PHF19: variants seen among roughly 807,000 people sequenced by gnomAD.
The protein encoded by PHF19 is polycomb like 3.
A neutral mutation model predicts 79.8 loss-of-function variants in PHF19; 21 were observed. The observed-to-expected ratio is 0.26, with a 90% CI of 0.19 to 0.38. The LOEUF (loss-of-function observed/expected upper bound fraction) is 0.38. Among genes scored for constraint, PHF19 ranks in the 10% least tolerant of loss-of-function variants. The pLI is 1.00. For missense variants in PHF19, 445 were observed against 744.2 expected (o/e 0.60, Z 4.68); for synonymous variants, 273 against 296.3 (o/e 0.92, Z 0.81).
At chr9:120,887,015 G>A (rs191915626) in intron 1 of PHF19, among the ~76,000 whole-genome samples, 35 of 150,312 alleles carry the variant, frequency 2.3e-4, no homozygotes, top group African/African-American at 8.6e-4. Context: ...GCAATGAGGC[G>A]AGATCGCCCC....
At chr9:120,886,032 G>A (rs1237462812) in intron 1 of PHF19, among the ~76,000 whole-genome samples, 1 of 152,190 alleles carries the variant, frequency 6.6e-6, no homozygotes, top group East Asian at 1.9e-4. Context: ...GGCTTAAGTT[G>A]GGGCAATAGT....
chr9:120,877,087 T>G lies in PHF19; in HGVS notation c.-16+4A>C. 1.0e-6 allele frequency: 1 copy of G among 985,226 alleles called. No individual in the cohort carries two copies. Among genetic ancestry groups the G allele is most frequent in the Non-Finnish European group, 1.2e-6 (1 of 829,874 alleles). The allele number at this position is 985,226 out of a possible 1,614,324, so 61.0% of individuals were successfully genotyped here. ...GGGAGTCCGCCCAACAGCGCAGAAC[T>G]CACCGCGAGGCTGCGTGTCCGCCGG... On this transcript the variant is annotated splice_donor_region_variant and intron_variant, in intron 1 of 14. Coordinates refer to ENST00000373896, the MANE Select transcript of PHF19 (RefSeq NM_015651.3).
At chr9:120,883,050 C>T (rs145153360) in intron 1 of PHF19, among the ~76,000 whole-genome samples, 6 of 152,154 alleles carry the variant, frequency 3.9e-5, no homozygotes, top group African/African-American at 7.2e-5. Context: ...GTAGAAAGCA[C>T]GGTTATTAAC....
upstream of PHF19, among the ~76,000 whole-genome samples, chr9:120,895,738 G>A (rs924065567): frequency 6.6e-6 from 1 of 151,872 alleles, no homozygotes; most frequent in African/African-American, 2.4e-5. Flanking sequence ...CTGCAGCCTC[G>A]ACCTCCTGGG....
chr9:120,894,943 C>T (rs889879340), upstream of PHF19: 3 of 456,060 alleles, frequency 6.6e-6, no homozygotes, highest in Admixed American at 9.1e-5. Context: ...GCACACAGTC[C>T]GCCAGCCTCG....
chr9:120,864,552 G>A (rs1010115675), intron 9 of PHF19, among the ~76,000 whole-genome samples: 11 of 152,138 alleles, frequency 7.2e-5, no homozygotes, highest in African/African-American at 2.4e-4. Flanking sequence ...GAAATTTGGC[G>A]GGCGCCTATA....
intron 1 of PHF19, among the ~76,000 whole-genome samples, chr9:120,888,425 G>T (rs2046298128): frequency 6.6e-6 from 1 of 152,212 alleles, no homozygotes; most frequent in Non-Finnish European, 1.5e-5. Flanking sequence ...TGCCTTTCAG[G>T]ATGCAGGCAG....
chr9:120,898,305 T>G (rs2046417958), upstream of PHF19, among the ~76,000 whole-genome samples: 2 of 152,278 alleles, frequency 1.3e-5, no homozygotes, highest in African/African-American at 4.8e-5. Flanking sequence ...TTAGTAGAGA[T>G]GGGGTTTTGC....
chr9:120,873,747 G>A (rs1353555275), intron 3 of PHF19, among the ~76,000 whole-genome samples: 1 of 152,158 alleles, frequency 6.6e-6, no homozygotes, highest in Non-Finnish European at 1.5e-5. Flanking sequence ...TTCCCCACCT[G>A]CCCATCCTCC....
Position 120,874,585 on chromosome 9 carries a change from C to T in PHF19, c.157G>A (p.Gly53Ser), listed in dbSNP as rs1178180392. 6.2e-7 allele frequency: 1 copy of T among 1,613,248 alleles called. No homozygotes were observed. The highest frequency in any genetic ancestry group is 1.7e-5 in the Admixed American group (1 of 59,988). Residue 53 changes from glycine to serine, a missense_variant, in exon 2 of 15, where the codon GGC (glycine) becomes AGC (serine). Physicochemically the swap from Gly to Ser is moderately conservative, Grantham distance 56. This residue lies in a region of PHF19 where 167 missense variants were observed against 375.8 expected (regional missense o/e 0.44). Coordinates refer to ENST00000373896, the MANE Select transcript of PHF19 (RefSeq NM_015651.3). The surrounding 1 kb of genome is among the most constrained non-coding windows in gnomAD (Gnocchi z 4.5). ...TTGATCTTCCCGAGGTAGTACAGGC[C>T]ATCTGTCCACCGGCACAGCACATAC... ...GQYVLCRWTD[G>S]LYYLGKIKRV...
chr9:120,902,185 C>T, the PHF19 span, among the ~76,000 whole-genome samples: 1 of 152,182 alleles, frequency 6.6e-6, no homozygotes, highest in Non-Finnish European at 1.5e-5. Flanking sequence ...ATTAGAACCC[C>T]CTGCGGAGAC....
intron 14 of PHF19, among the ~76,000 whole-genome samples, chr9:120,859,567 G>GCCC (rs1420652505): frequency 6.6e-6 from 1 of 152,176 alleles, no homozygotes; most frequent in Non-Finnish European, 1.5e-5. Context: ...CTGGAGATAG[G>GCCC]CCCCCAGGGA....
Position 120,870,644 on chromosome 9 carries a change from C to G in PHF19, c.269-106G>C, listed in dbSNP as rs1822325992. Reference sequence around the variant, plus strand: ...AATGTCTGCTAGGCCTAGCGCTGGGCCCCACATGCCACCTCACTGAATCTC... The same window carrying G: ...AATGTCTGCTAGGCCTAGCGCTGGGGCCCACATGCCACCTCACTGAATCTC... On this transcript the variant is annotated intron_variant, in intron 3 of 14. Transcript: ENST00000373896. This position sits in a 1 kb window ranked among gnomAD's most constrained non-coding sequence, Gnocchi z 4.4. 1.5e-6 allele frequency: 1 copy of G among 686,904 alleles called. No individual in the cohort carries two copies. Among genetic ancestry groups the G allele is most frequent in the Non-Finnish European group, 2.6e-6 (1 of 378,556 alleles). The allele number at this position is 686,904 out of a possible 1,614,324, so 42.6% of individuals were successfully genotyped here.
At chr9:120,900,686 C>A in the PHF19 span, among the ~76,000 whole-genome samples, 1 of 152,182 alleles carries the variant, frequency 6.6e-6, no homozygotes. Context: ...CCTATCTCAG[C>A]CTCTTGAGTA....
chr9:120,890,292 T>TTTG (rs2046324590), intron 1 of PHF19, among the ~76,000 whole-genome samples: 2 of 125,496 alleles, frequency 1.6e-5, no homozygotes, highest in African/African-American at 5.1e-5. Context: ...TTTTTTTTTT[T>TTTG]TTTCCTGTTA....
chr9:120,874,352 T>C lies in PHF19; in HGVS notation c.186+204A>G, dbSNP rs972289685. On this transcript the variant is annotated intron_variant, in intron 2 of 14. Transcript: ENST00000373896. The surrounding 1 kb of genome is among the most constrained non-coding windows in gnomAD (Gnocchi z 4.5). Reference sequence around the variant, plus strand: ...GTTTTGTAGGCTCTCAGAGCACTTTTCTAAAGAACTAGTTGGATGATGTTG... The same window carrying C: ...GTTTTGTAGGCTCTCAGAGCACTTTCCTAAAGAACTAGTTGGATGATGTTG... Among the ~76,000 whole-genome samples, 4 of 152,150 alleles carry C rather than the reference T, an allele frequency of 2.6e-5. No individual in the cohort carries two copies. The highest frequency in any genetic ancestry group is 7.2e-5 in the African/African-American group (3 of 41,422).
chr9:120,898,695 T>G (rs147414125), upstream of PHF19, among the ~76,000 whole-genome samples: 287 of 152,344 alleles, frequency 1.9e-3, no homozygotes, highest in Admixed American at 4.1e-3. Flanking sequence ...CATAAACTGA[T>G]CTTGGTTCAA....
chr9:120,859,231 C>CTTT lies in PHF19; in HGVS notation c.1400+856_1400+858dup, dbSNP rs59695692. ...CCTCTACAGGCATTATACCATTGTCCTTTTTTTTTTTTTTTTTTTTTGAGA... is the reference window on the plus strand; with the variant it reads ...CCTCTACAGGCATTATACCATTGTCCTTTTTTTTTTTTTTTTTTTTTTTTGAGA... On this transcript the variant is annotated intron_variant, in intron 14 of 14. Transcript: ENST00000373896. Among the ~76,000 whole-genome samples, 83 of 104,976 alleles carry CTTT rather than the reference C, an allele frequency of 7.9e-4. 1 individual carries two copies. The highest frequency in any genetic ancestry group is 1.0e-3 in the African/African-American group (30 of 30,064). 68.9% of individuals were successfully genotyped at this position (104,976 alleles called of 152,430 possible). A position where few individuals can be genotyped will look rare whatever the true frequency, so the allele number is the denominator to read the frequency against.
At chr9:120,902,020 G>T in the PHF19 span, among the ~76,000 whole-genome samples, 7 of 152,210 alleles carry the variant, frequency 4.6e-5, no homozygotes, top group South Asian at 1.0e-3. Flanking sequence ...TGAGACATTT[G>T]TGGAGCTTCT....
Sources: gnomAD v4.1 joint callset for allele counts (sites outside exome capture counted in the v4.1 genomes callset) on GRCh38, gnomAD v4.1.1 for gene constraint, gnomAD v4.1.1 regional missense constraint, Gnocchi (gnomAD v3.1) non-coding constraint, MANE v1.5 for transcripts, NCBI Gene and HGNC (gene_info 2026-07-23, HGNC 2026-07-21) for gene names.